Variants in PCDHA7 observed in about 807,000 individuals in gnomAD.
The protein encoded by PCDHA7 is protocadherin alpha 7.
A neutral mutation model predicts 57.2 loss-of-function variants in PCDHA7; 37 were observed. The ratio of observed to expected loss-of-function variants is 0.65; its 90% CI spans 0.50 to 0.85. PCDHA7 has a LOEUF of 0.85. PCDHA7 is among the 40% of genes least tolerant of loss of function. The pLI is 0.00. For synonymous variants in PCDHA7, 553 were observed against 558.8 expected (o/e 0.99, Z 0.15); for missense variants, 1,188 against 1,241.8 (o/e 0.96, Z 0.65).
At chr5:140,856,911 T>C in intron 1 of PCDHA7, 2 of 1,595,928 alleles carry the variant, frequency 1.3e-6, no homozygotes, top group South Asian at 2.2e-5. Context: ...CCACCCACGA[T>C]AAGAAGGAAA....
intron 1 of PCDHA7, chr5:140,867,841 C>T (rs1554161566): frequency 1.3e-5 from 2 of 151,958 alleles, no homozygotes; most frequent in African/African-American, 4.8e-5. Flanking sequence ...GGTAATTTAC[C>T]ATTTAGTTGA....
In PCDHA7 at chr5:140,858,544, T is replaced by C. The variant is rs782004922; in HGVS notation, c.2355+21806T>C. ...ATATTTCATTTTTGTCTACATTCCA[T>C]TTATGCTTGAATATTTCTAGTGATA... On this transcript the variant is annotated intron_variant, in intron 1 of 3. Transcript: ENST00000525929. 5 of 1,398,226 alleles carry C rather than the reference T, an allele frequency of 3.6e-6. No homozygotes were observed. The South Asian group carries it at 5.0e-5, about 14-fold the overall frequency. 86.6% of individuals were successfully genotyped at this position (1,398,226 alleles called of 1,614,324 possible). A position where few individuals can be genotyped will look rare whatever the true frequency, so the allele number is the denominator to read the frequency against.
In PCDHA7 at chr5:140,882,314, C is replaced by G. The variant is rs370330527; in HGVS notation, c.2355+45576C>G. 9 of 1,614,000 alleles carry G rather than the reference C, an allele frequency of 5.6e-6. No individual in the cohort carries two copies. The Admixed American group carries it at 6.7e-5, about 12-fold the overall frequency. On this transcript the variant is annotated intron_variant, in intron 1 of 3. Transcript: ENST00000525929. ...AGGCCCAAGACCGCGGCAACTACTGCTCTGGCTTCTGATCCTCGCAGCCTG... is the reference window on the plus strand; with the variant it reads ...AGGCCCAAGACCGCGGCAACTACTGGTCTGGCTTCTGATCCTCGCAGCCTG...
Position 140,858,211 on chromosome 5 carries a change from C to T in PCDHA7, c.2355+21473C>T, listed in dbSNP as rs368039385. On this transcript the variant is annotated intron_variant, in intron 1 of 3. Transcript: ENST00000525929. ...TGCTGCTGTACACTGCACTGAGGTG[C>T]TCGGCGGCGCCCACCGAGGGCGCAT... 10 of 1,594,094 alleles carry T rather than the reference C, an allele frequency of 6.3e-6. 2 individuals are homozygous for T. Among genetic ancestry groups the T allele is most frequent in the Non-Finnish European group, 8.6e-6 (10 of 1,165,544 alleles).
intron 1 of PCDHA7, among the ~76,000 whole-genome samples, chr5:140,939,289 A>G (rs1186126336): frequency 1.3e-5 from 2 of 152,102 alleles, no homozygotes; most frequent in African/African-American, 4.8e-5. Flanking sequence ...TCGTGATCTA[A>G]TCATCTCTAC....
chr5:140,953,055 T>C (rs1389436711), intron 1 of PCDHA7, among the ~76,000 whole-genome samples: 3 of 152,178 alleles, frequency 2.0e-5, no homozygotes, highest in African/African-American at 7.2e-5. Flanking sequence ...CAATCACCTC[T>C]CACAGGCCCC....
At chr5:140,862,874 T>C in intron 1 of PCDHA7, 2 of 568,426 alleles carry the variant, frequency 3.5e-6, no homozygotes, top group Non-Finnish European at 3.4e-6. Flanking sequence ...CTGCCAGGTA[T>C]TAGTGCTGGA....
chr5:140,905,809 A>C (rs1349964349), intron 1 of PCDHA7, among the ~76,000 whole-genome samples: 1 of 152,184 alleles, frequency 6.6e-6, no homozygotes, highest in East Asian at 1.9e-4. Context: ...GGACAGAATT[A>C]ATAGGCTAGA....
chr5:140,884,872 T>C (rs1427684688), intron 1 of PCDHA7, among the ~76,000 whole-genome samples: 1 of 152,216 alleles, frequency 6.6e-6, no homozygotes, highest in African/African-American at 2.4e-5. Context: ...CATAATGAAA[T>C]GTGCAAAACA....
In PCDHA7 at chr5:141,011,794, G is replaced by A. The variant is rs782200485; in HGVS notation, c.*1857G>A. 2 of 153,664 alleles carry A rather than the reference G, an allele frequency of 1.3e-5. No individual in the cohort carries two copies. The highest frequency in any genetic ancestry group is 2.9e-5 in the Non-Finnish European group (2 of 68,028). The allele number at this position is 153,664 out of a possible 1,614,324, so 9.5% of individuals were successfully genotyped here. ...ATGCTTTGAAATTCTAATGGTATCT[G>A]AAATATCAGCTCATAGAAAGTAACA... On this transcript the variant is annotated 3_prime_UTR_variant, in exon 4 of 4. Coordinates refer to ENST00000525929, the MANE Select transcript of PCDHA7 (RefSeq NM_018910.3).
At chr5:140,887,100 T>TC (rs1231390589) in intron 1 of PCDHA7, among the ~76,000 whole-genome samples, 2 of 151,232 alleles carry the variant, frequency 1.3e-5, no homozygotes, top group Non-Finnish European at 2.9e-5. Flanking sequence ...TATCTTTATC[T>TC]CTTTTTTTTT....
chr5:140,939,283 GATCTAATC>G lies in PCDHA7; in HGVS notation c.2356-39661_2356-39654del, dbSNP rs1257109202. ...TCTTTTATGAGAGCTGTGCCCTCGT[GATCTAATC>G]ATCTCTACAAAAGCCCTACCTCCTA... On this transcript the variant is annotated intron_variant, in intron 1 of 3. Coordinates refer to ENST00000525929, the MANE Select transcript of PCDHA7 (RefSeq NM_018910.3). Among the ~76,000 whole-genome samples the G allele has an allele frequency of 2.0e-5, 3 of 152,184 alleles. No homozygotes were observed. In the East Asian group the frequency reaches 5.8e-4, roughly 29 times the overall value.
chr5:140,960,053 G>A (rs2095524432), intron 1 of PCDHA7, among the ~76,000 whole-genome samples: 3 of 152,156 alleles, frequency 2.0e-5, no homozygotes, highest in Non-Finnish European at 4.4e-5. Flanking sequence ...TTAAAAACAT[G>A]TACAGAAGAT....
At chr5:140,927,714 C>G (rs111315855) in intron 1 of PCDHA7, 1 of 1,614,198 alleles carries the variant, frequency 6.2e-7, no homozygotes. Flanking sequence ...CCCTAAGCAA[C>G]AGCACGCAAG....
chr5:140,904,940 A>G (rs368833420), intron 1 of PCDHA7, among the ~76,000 whole-genome samples: 1 of 152,136 alleles, frequency 6.6e-6, no homozygotes, highest in African/African-American at 2.4e-5. Context: ...TCTGGATATT[A>G]GTCCTTTGTC....
chr5:140,922,162 A>G (rs2080680842), intron 1 of PCDHA7, among the ~76,000 whole-genome samples: 1 of 146,764 alleles, frequency 6.8e-6, no homozygotes, highest in African/African-American at 2.5e-5. Flanking sequence ...AAAAACAACA[A>G]AAAGTACAGC....
At position 140,969,169 on chromosome 5, in the gene PCDHA7, A is replaced by G. The variant is rs201735192; in HGVS notation, c.2356-9780A>G. 2.0e-5 allele frequency: 33 copies of G among 1,614,094 alleles called. No homozygotes were observed. In the Admixed American group the frequency reaches 5.5e-4, roughly 27 times the overall value. On this transcript the variant is annotated intron_variant, in intron 1 of 3. Transcript: ENST00000525929. The stretch of plus-strand genomic sequence containing the variant: ...ACAAGGCCTGTCTGACAGCAGGCTC[A>G]GGGAGTGACACTTTCATGTTTTACA...
At chr5:140,978,782 A>C (rs782295456) in intron 1 of PCDHA7, 167 bp from the exon 2 acceptor site, 1 of 971,546 alleles carries the variant, frequency 1.0e-6, no homozygotes, top group African/African-American at 1.8e-5. Flanking sequence ...TTTTCTTCTA[A>C]AGTGCTATAT....
At chr5:140,841,479 G>T (rs2150316299) in intron 1 of PCDHA7, 1 of 1,613,084 alleles carries the variant, frequency 6.2e-7, no homozygotes, top group Non-Finnish European at 8.5e-7. Context: ...CAGGACCTGG[G>T]GCTGGAGCTG....
Sources: allele counts gnomAD v4.1 joint callset (sites outside exome capture counted in the v4.1 genomes callset), GRCh38; gene constraint gnomAD v4.1.1; transcripts MANE v1.5; gene names NCBI Gene and HGNC (gene_info 2026-07-23, HGNC 2026-07-21).